The following ZNF292 variants were observed in gnomAD, a reference collection of about 807,000 sequenced individuals.
ZNF292 encodes the protein 16 zinc-finger domain protein.
ZNF292 carries 26 observed loss-of-function variants against 217.9 expected under a neutral mutation model. That is an observed-to-expected ratio of 0.12 (90% CI 0.09 to 0.17). The LOEUF is 0.17. ZNF292 is among the 10% of genes least tolerant of loss of function. The probability of loss-of-function intolerance (pLI) is 1.00; values close to 1 mark genes in which losing one functional copy is unlikely to be tolerated. For missense variants in ZNF292, 2,904 were observed against 3,175.2 expected (o/e 0.91, Z 2.05); for synonymous variants, 1,257 against 1,124.1 (o/e 1.12, Z -2.37).
At chr6:87,198,696 G>A (rs776462523) in intron 1 of ZNF292, among the ~76,000 whole-genome samples, 8 of 152,170 alleles carry the variant, frequency 5.3e-5, no homozygotes, top group Non-Finnish European at 8.8e-5. Context: ...ATGTGAATCA[G>A]AATTCAGAAA....
intron 1 of ZNF292, among the ~76,000 whole-genome samples, chr6:87,199,229 A>G (rs1193596762): frequency 6.6e-6 from 1 of 152,172 alleles, no homozygotes; most frequent in Admixed American, 6.5e-5. Context: ...TTAAATTCGT[A>G]TTTCCCTAAT....
At position 87,216,151 on chromosome 6, in the gene ZNF292, AC is replaced by A. The variant is rs1562146983; in HGVS notation, c.323+95del. The A allele has an allele frequency of 2.8e-4, 322 of 1,166,392 alleles. 4 individuals are homozygous for A. The African/African-American group carries it at 5.0e-3, about 18-fold the overall frequency. The allele number at this position is 1,166,392 out of a possible 1,614,324, so 72.3% of individuals were successfully genotyped here. ...CACACACACACACACACACACACAC[AC>A]ACACAACATTAAATCTCAAGTCTTA... On this transcript the variant is annotated intron_variant, in intron 2 of 7. Coordinates refer to ENST00000369577, the MANE Select transcript of ZNF292 (RefSeq NM_015021.3).
intron 1 of ZNF292, among the ~76,000 whole-genome samples, chr6:87,167,659 CAAA>C (rs1770960548): frequency 6.6e-6 from 1 of 152,036 alleles, no homozygotes; most frequent in Non-Finnish European, 1.5e-5. Context: ...AAACAAAAAA[CAAA>C]AAACTTCTGT....
In ZNF292 at chr6:87,256,260, C is replaced by T. The variant is rs1212227377; in HGVS notation, c.2631C>T (p.Asn877=). ...KERSMLPSEN[N]IENSLLADRS... is the part of the protein sequence containing the mutation. Reference sequence around the variant, plus strand: ...GATCTATGCTTCCTTCAGAAAATAACATTGAAAACAGCTTACTAGCAGATA... The same window carrying T: ...GATCTATGCTTCCTTCAGAAAATAATATTGAAAACAGCTTACTAGCAGATA... The change falls in exon 8 of 8, where the codon AAC becomes AAT. Residue 877 remains asparagine (N), a synonymous_variant. Transcript: ENST00000369577. The T allele has an allele frequency of 1.2e-6, 2 of 1,613,824 alleles. No homozygotes were observed. Among genetic ancestry groups the T allele is most frequent in the Non-Finnish European group, 1.7e-6 (2 of 1,179,808 alleles).
At chr6:87,166,928 C>T (rs943710518) in intron 1 of ZNF292, among the ~76,000 whole-genome samples, 2 of 152,074 alleles carry the variant, frequency 1.3e-5, no homozygotes, top group Non-Finnish European at 2.9e-5. Flanking sequence ...GATATTAACA[C>T]TTTTGAGTTT....
At chr6:87,199,560 G>C (rs1044579174) in intron 1 of ZNF292, among the ~76,000 whole-genome samples, 1 of 152,154 alleles carries the variant, frequency 6.6e-6, no homozygotes, top group Non-Finnish European at 1.5e-5. Context: ...AACTCTTCAA[G>C]AAGTTTTATA....
At chr6:87,246,855 A>G (rs1405541588) in intron 7 of ZNF292, among the ~76,000 whole-genome samples, 1 of 151,664 alleles carries the variant, frequency 6.6e-6, no homozygotes, top group African/African-American at 2.4e-5. Flanking sequence ...ATCCTGTCTC[A>G]AAAACAAAAA....
At chr6:87,191,701 C>T (rs774085455) in intron 1 of ZNF292, among the ~76,000 whole-genome samples, 2 of 152,198 alleles carry the variant, frequency 1.3e-5, no homozygotes, top group Admixed American at 1.3e-4. Context: ...GAGTCTTGCT[C>T]TGTCACCCAG....
chr6:87,189,031 CCT>C (rs1771746465), intron 1 of ZNF292, among the ~76,000 whole-genome samples: 1 of 151,820 alleles, frequency 6.6e-6, no homozygotes. Context: ...ATGGCAAAAC[CCT>C]GTCTCTACTA....
rs550790350 is a variant in ZNF292, at chr6:87,239,644, C to G, written c.742-3831C>G. Among the ~76,000 whole-genome samples, 7 of 124,964 alleles carry G rather than the reference C, an allele frequency of 5.6e-5. No homozygotes were observed. In the South Asian group the frequency reaches 1.6e-3, roughly 28 times the overall value. The allele number at this position is 124,964 out of a possible 152,430, so 82.0% of individuals were successfully genotyped here. A position where few individuals can be genotyped will look rare whatever the true frequency, so the allele number is the denominator to read the frequency against. ...CTCACTTCTCAGACGGGGCGGCTGC[C>G]GGGCGGAGGGGCTCCTCACTTCTCA... On this transcript the variant is annotated intron_variant, in intron 5 of 7. Coordinates refer to ENST00000369577, the MANE Select transcript of ZNF292 (RefSeq NM_015021.3).
At position 87,259,105 on chromosome 6, in the gene ZNF292, C is replaced by G. The variant is rs774926383; in HGVS notation, c.5476C>G (p.Pro1826Ala). The change falls in exon 8 of 8, where the codon CCT becomes GCT. Residue 1826 changes from proline to alanine, a missense_variant. Coordinates refer to ENST00000369577, the MANE Select transcript of ZNF292 (RefSeq NM_015021.3). ...TGTCATGCCAACAAAAAGTAACATT[C>G]CTCAGTCTGAAGTATCACATAAGGA... Reference protein sequence around the residue: ...ISVMPTKSNIPQSEVSHKEDQ... With the variant: ...ISVMPTKSNIAQSEVSHKEDQ... 6.2e-7 allele frequency: 1 copy of G among 1,613,204 alleles called. No individual in the cohort carries two copies. Among genetic ancestry groups the G allele is most frequent in the South Asian group, 1.1e-5 (1 of 91,034 alleles).
chr6:87,225,025 G>T (rs767493048), intron 4 of ZNF292, among the ~76,000 whole-genome samples: 16 of 152,118 alleles, frequency 1.1e-4, no homozygotes, highest in Non-Finnish European at 1.6e-4. Context: ...CCAACAATTG[G>T]TATTGTCCGT....
chr6:87,246,319 G>A (rs1554204700), intron 7 of ZNF292, among the ~76,000 whole-genome samples: 2 of 152,220 alleles, frequency 1.3e-5, no homozygotes, highest in Non-Finnish European at 2.9e-5. Context: ...CAGAAGGGAA[G>A]ATTACATTAT....
chr6:87,239,376 G>T (rs1402370479), intron 5 of ZNF292, among the ~76,000 whole-genome samples: 1 of 149,014 alleles, frequency 6.7e-6, no homozygotes, highest in East Asian at 2.0e-4. Flanking sequence ...CCCTGACGGG[G>T]CGGCTGGCGG....
intron 1 of ZNF292, among the ~76,000 whole-genome samples, chr6:87,162,971 T>C (rs1770800337): frequency 6.6e-6 from 1 of 152,214 alleles, no homozygotes. Flanking sequence ...ACATACACTG[T>C]GACTTTTAAC....
At chr6:87,162,671 G>GC (rs1770786004) in intron 1 of ZNF292, among the ~76,000 whole-genome samples, 1 of 152,168 alleles carries the variant, frequency 6.6e-6, no homozygotes, top group South Asian at 2.1e-4. Context: ...AGCTTTGCTT[G>GC]CCCCCTTCTT....
intron 7 of ZNF292, chr6:87,249,338 A>G (rs1774775087): frequency 2.3e-6 from 1 of 427,900 alleles, no homozygotes; most frequent in African/African-American, 2.0e-5. Flanking sequence ...TATTGCCCAG[A>G]TTTATCTCCA....
chr6:87,190,496 C>T (rs974662912), intron 1 of ZNF292, among the ~76,000 whole-genome samples: 4 of 151,814 alleles, frequency 2.6e-5, no homozygotes, highest in Non-Finnish European at 5.9e-5. Flanking sequence ...ATTTTTGAGA[C>T]GGAGTCTTGC....
intron 1 of ZNF292, among the ~76,000 whole-genome samples, chr6:87,211,439 G>T (rs1772482031): frequency 6.6e-6 from 1 of 152,078 alleles, no homozygotes; most frequent in Non-Finnish European, 1.5e-5. Flanking sequence ...TATTTCTCCA[G>T]AAATGTATCA....
Sources: allele counts gnomAD v4.1 joint callset (sites outside exome capture counted in the v4.1 genomes callset), GRCh38; gene constraint gnomAD v4.1.1; transcripts MANE v1.5; gene names NCBI Gene and HGNC (gene_info 2026-07-23, HGNC 2026-07-21).